The following DTNA variants were observed in gnomAD, a reference collection of about 807,000 sequenced individuals.
DTNA encodes the protein dystrobrevin alpha.
In DTNA, 43 loss-of-function variants were observed where a neutral mutation model predicts 100.7. The observed-to-expected ratio is 0.43, with a 90% CI of 0.33 to 0.55. The LOEUF (loss-of-function observed/expected upper bound fraction) is 0.55, where lower values mean the gene tolerates loss of function less well. Among genes scored for constraint, DTNA ranks in the 20% least tolerant of loss-of-function variants. DTNA has a pLI of 0.04. For missense variants in DTNA, 798 were observed against 953.9 expected, an observed-to-expected ratio of 0.84 and a Z score of 2.15; for synonymous variants, 349 against 347.9, an observed-to-expected ratio of 1.00 and a Z score of -0.04.
chr18:34,537,058 A>G (rs887207447), intron 1 of DTNA, among the ~76,000 whole-genome samples: 2 of 152,020 alleles, frequency 1.3e-5, no homozygotes, highest in South Asian at 2.1e-4. Context: ...TCTTGAAGTC[A>G]AACTGTGTTC....
chr18:34,792,883 A>G (rs933721525), intron 3 of DTNA, among the ~76,000 whole-genome samples: 3 of 152,222 alleles, frequency 2.0e-5, no homozygotes, highest in African/African-American at 7.2e-5. Context: ...CCACATATCT[A>G]TACAAAGACT....
intron 1 of DTNA, among the ~76,000 whole-genome samples, chr18:34,548,051 G>C (rs570065188): frequency 5.3e-5 from 8 of 152,218 alleles, no homozygotes; most frequent in Admixed American, 1.3e-4. Flanking sequence ...CAATATTTTT[G>C]GAAGCTGGGG....
chr18:34,863,514 T>C, intron 16 of DTNA, among the ~76,000 whole-genome samples: 1 of 117,182 alleles, frequency 8.5e-6, no homozygotes, highest in Non-Finnish European at 1.7e-5. Flanking sequence ...CAAATGTACT[T>C]TTCTAAATAT....
chr18:34,735,264 T>C (rs775194856), intron 1 of DTNA, among the ~76,000 whole-genome samples: 5 of 152,112 alleles, frequency 3.3e-5, no homozygotes, highest in African/African-American at 4.8e-5. Flanking sequence ...TGGCAGCTGA[T>C]TAGATTGTAC....
chr18:34,636,876 A>G (rs541333209), intron 1 of DTNA, among the ~76,000 whole-genome samples: 67 of 152,238 alleles, frequency 4.4e-4, no homozygotes, highest in Non-Finnish European at 7.9e-4. Context: ...GTTGGTTAAA[A>G]TGAATTTAGT....
At chr18:34,656,754 T>G (rs1269865565) in intron 1 of DTNA, among the ~76,000 whole-genome samples, 1 of 152,196 alleles carries the variant, frequency 6.6e-6, no homozygotes, top group East Asian at 1.9e-4. Context: ...AAAATTATAG[T>G]TGTTAGATGT....
intron 2 of DTNA, among the ~76,000 whole-genome samples, chr18:34,756,530 A>T (rs2092782495): frequency 6.6e-6 from 1 of 152,222 alleles, no homozygotes; most frequent in African/African-American, 2.4e-5. Context: ...ACCAAACTAT[A>T]AACTTGTCAT....
chr18:34,748,216 C>G (rs1319783524), intron 1 of DTNA, among the ~76,000 whole-genome samples: 1 of 130,490 alleles, frequency 7.7e-6, no homozygotes, highest in Admixed American at 8.7e-5. Flanking sequence ...AATCCTTTGT[C>G]AGATGCATAG....
intron 21 of DTNA, 86 bp downstream of exon 21, chr18:34,882,287 A>G: frequency 6.4e-7 from 1 of 1,551,854 alleles, no homozygotes; most frequent in Non-Finnish European, 8.8e-7. Flanking sequence ...GCAGAATCAG[A>G]GCCTTCTTCC....
At chr18:34,669,287 T>G (rs371274369) in intron 1 of DTNA, among the ~76,000 whole-genome samples, 2 of 152,204 alleles carry the variant, frequency 1.3e-5, no homozygotes, top group Non-Finnish European at 2.9e-5. Flanking sequence ...TGGTAGATCT[T>G]CCTCCGTCCC....
chr18:34,671,801 A>G (rs181878984), intron 1 of DTNA, among the ~76,000 whole-genome samples: 2 of 152,220 alleles, frequency 1.3e-5, no homozygotes, highest in Admixed American at 1.3e-4. Flanking sequence ...TCATAGTATC[A>G]ACAGACACAG....
chr18:34,767,503 A>C (rs942999009), intron 3 of DTNA: 12 of 152,200 alleles, frequency 7.9e-5, no homozygotes, highest in Admixed American at 7.2e-4. Context: ...AGAATACTTG[A>C]AACTTTGCAA....
At chr18:34,776,525 TAG>T (rs1357090729) in intron 3 of DTNA, among the ~76,000 whole-genome samples, 7 of 152,108 alleles carry the variant, frequency 4.6e-5, no homozygotes, top group African/African-American at 1.7e-4. Context: ...GTATTTTTAG[TAG>T]AGATGGGGTT....
At chr18:34,760,176 T>C (rs568130817) in intron 2 of DTNA, 1 of 152,286 alleles carries the variant, frequency 6.6e-6, no homozygotes, top group Admixed American at 6.5e-5. Context: ...CGGTGACTGT[T>C]TTCACTTGCT....
At chr18:34,660,856 A>G (rs1437311761) in intron 1 of DTNA, among the ~76,000 whole-genome samples, 2 of 152,000 alleles carry the variant, frequency 1.3e-5, no homozygotes, top group African/African-American at 4.8e-5. Context: ...TCCTGACCCA[A>G]CCAGTGTACA....
chr18:34,516,508 A>G (rs1050972006), intron 1 of DTNA, among the ~76,000 whole-genome samples: 1 of 152,074 alleles, frequency 6.6e-6, no homozygotes, highest in Admixed American at 6.6e-5. Flanking sequence ...AATCCTAGTA[A>G]GCCTGGGGAC....
chr18:34,685,003 C>G lies in DTNA; in HGVS notation c.-1-70973C>G, dbSNP rs186223623. 1.6e-3 allele frequency among the ~76,000 whole-genome samples: 240 copies of G among 152,134 alleles called. 1 individual carries two copies. The highest frequency in any genetic ancestry group is 5.0e-3 in the African/African-American group (208 of 41,536). On this transcript the variant is annotated intron_variant, in intron 1 of 19. Transcript: ENST00000283365. ...CACTTTTTGATGGGGTTGCTTTTTT[C>G]TTGTAAATTTGTTTAAGTTCCTTGT...
intron 3 of DTNA, among the ~76,000 whole-genome samples, chr18:34,785,560 G>A (rs1294395218): frequency 6.6e-6 from 1 of 152,078 alleles, no homozygotes; most frequent in African/African-American, 2.4e-5. Context: ...TATCAGAAAG[G>A]ATATTATTAT....
intron 5 of DTNA, among the ~76,000 whole-genome samples, chr18:34,807,737 A>G (rs2095397000): frequency 6.6e-6 from 1 of 152,108 alleles, no homozygotes; most frequent in African/African-American, 2.4e-5. Context: ...AGGAGGAGCC[A>G]TGTAGCTTCT....
Sources: allele counts gnomAD v4.1 joint callset (sites outside exome capture counted in the v4.1 genomes callset), GRCh38; gene constraint gnomAD v4.1.1; transcripts MANE v1.5; gene names NCBI Gene and HGNC (gene_info 2026-07-23, HGNC 2026-07-21).